The following CSTPP1 variants were observed in gnomAD, a reference collection of about 807,000 sequenced individuals.
CSTPP1 encodes the protein centriolar satellite-associated tubulin polyglutamylase complex regulator 1.
chr11:47,017,931 G>A, the CSTPP1 span, among the ~76,000 whole-genome samples: 2 of 152,172 alleles, frequency 1.3e-5, no homozygotes, highest in African/African-American at 4.8e-5. Flanking sequence ...GCCTCCCAAA[G>A]TGTTGGTATT....
the CSTPP1 span, chr11:47,159,695 C>T: frequency 2.6e-4 from 120 of 456,204 alleles, no homozygotes; most frequent in African/African-American, 2.2e-3. Context: ...CCTCATCCCC[C>T]TTTTCTAAGG....
At chr11:46,971,534 G>A in the CSTPP1 span, among the ~76,000 whole-genome samples, 1 of 152,148 alleles carries the variant, frequency 6.6e-6, no homozygotes, top group Non-Finnish European at 1.5e-5. Flanking sequence ...AAATTTGCTT[G>A]TGCAAATATA....
chr11:47,051,274 G>T, the CSTPP1 span, among the ~76,000 whole-genome samples: 14 of 152,270 alleles, frequency 9.2e-5, no homozygotes, highest in Non-Finnish European at 1.9e-4. Context: ...GGAACCTAAA[G>T]TTCACTCTGG....
At chr11:46,939,939 C>T in the CSTPP1 span, among the ~76,000 whole-genome samples, 12 of 152,226 alleles carry the variant, frequency 7.9e-5, no homozygotes, top group South Asian at 4.2e-4. Flanking sequence ...GGCACCATCT[C>T]GGCTCACTGC....
chr11:47,092,274 G>A, the CSTPP1 span, among the ~76,000 whole-genome samples: 3 of 152,134 alleles, frequency 2.0e-5, no homozygotes, highest in Admixed American at 6.6e-5. Flanking sequence ...ATTATGGGAC[G>A]AATGTTGTCA....
chr11:46,942,309 G>C, the CSTPP1 span, among the ~76,000 whole-genome samples: 4 of 152,188 alleles, frequency 2.6e-5, no homozygotes, highest in African/African-American at 9.7e-5. Flanking sequence ...GGAAGCTTCT[G>C]CCAGAGGCTG....
chr11:47,149,912 C>T, the CSTPP1 span, among the ~76,000 whole-genome samples: 1 of 151,930 alleles, frequency 6.6e-6, no homozygotes, highest in Non-Finnish European at 1.5e-5. Context: ...ATACACATCT[C>T]ATTCCTTTAC....
At chr11:46,962,533 A>G in the CSTPP1 span, among the ~76,000 whole-genome samples, 6 of 152,212 alleles carry the variant, frequency 3.9e-5, no homozygotes, top group Non-Finnish European at 7.3e-5. Flanking sequence ...GGAGTGTGCC[A>G]TTTAACAATA....
the CSTPP1 span, among the ~76,000 whole-genome samples, chr11:47,043,616 C>T: frequency 6.6e-6 from 1 of 152,154 alleles, no homozygotes; most frequent in Non-Finnish European, 1.5e-5. Flanking sequence ...ACATGAGGAA[C>T]ACTGATGTTG....
At chr11:47,079,954 G>A in the CSTPP1 span, among the ~76,000 whole-genome samples, 10 of 151,824 alleles carry the variant, frequency 6.6e-5, no homozygotes, top group Admixed American at 4.6e-4. Flanking sequence ...AAATTTAGCC[G>A]GGCATGGTTG....
chr11:47,118,037 G>A, the CSTPP1 span, among the ~76,000 whole-genome samples: 10 of 151,634 alleles, frequency 6.6e-5, no homozygotes, highest in Non-Finnish European at 1.3e-4. Flanking sequence ...CTGCCACCAC[G>A]CCCAGCTAAT....
chr11:47,043,960 A>G, the CSTPP1 span, among the ~76,000 whole-genome samples: 84 of 152,262 alleles, frequency 5.5e-4, no homozygotes, highest in African/African-American at 1.8e-3. Flanking sequence ...AGGTTCTACA[A>G]TGTATCTACC....
chr11:47,067,300 G>T, the CSTPP1 span, among the ~76,000 whole-genome samples: 1 of 152,056 alleles, frequency 6.6e-6, no homozygotes, highest in Non-Finnish European at 1.5e-5. Context: ...AAATTTTATT[G>T]TTTGGAGAAA....
the CSTPP1 span, among the ~76,000 whole-genome samples, chr11:47,150,250 T>C: frequency 2.0e-5 from 3 of 152,136 alleles, no homozygotes; most frequent in Non-Finnish European, 4.4e-5. Context: ...TTAATCCCTC[T>C]GAATGTCTGC....
At chr11:47,057,020 C>CA in the CSTPP1 span, among the ~76,000 whole-genome samples, 1 of 152,156 alleles carries the variant, frequency 6.6e-6, no homozygotes, top group East Asian at 1.9e-4. Flanking sequence ...TCCCTTTTGA[C>CA]AAAAAATATT....
At chr11:46,964,842 G>T in the CSTPP1 span, among the ~76,000 whole-genome samples, 1 of 152,140 alleles carries the variant, frequency 6.6e-6, no homozygotes, top group Non-Finnish European at 1.5e-5. Flanking sequence ...TTAATCGGGT[G>T]CTGAAGCTGA....
chr11:46,992,640 A>T, the CSTPP1 span, among the ~76,000 whole-genome samples: 19 of 152,176 alleles, frequency 1.2e-4, no homozygotes, highest in Middle Eastern at 3.4e-3. Flanking sequence ...TCTATCATTG[A>T]TGGACATTTG....
the CSTPP1 span, among the ~76,000 whole-genome samples, chr11:46,944,790 T>C: frequency 1.3e-5 from 2 of 152,168 alleles, no homozygotes; most frequent in Non-Finnish European, 2.9e-5. Context: ...TCTCCCAGAC[T>C]CCTCCGGCTT....
the CSTPP1 span, among the ~76,000 whole-genome samples, chr11:47,060,001 G>C: frequency 6.6e-6 from 1 of 151,778 alleles, no homozygotes; most frequent in Non-Finnish European, 1.5e-5. Flanking sequence ...CTACTCAGGA[G>C]GCTAAAGCAG....
Sources: allele counts gnomAD v4.1 joint callset (sites outside exome capture counted in the v4.1 genomes callset), GRCh38; gene constraint gnomAD v4.1.1; transcripts MANE v1.5; gene names NCBI Gene and HGNC (gene_info 2026-07-23, HGNC 2026-07-21).